The following ZYX variants were observed in gnomAD, a reference collection of about 807,000 sequenced individuals.
ZYX encodes the protein zyxin-2.
Under a neutral mutation model 58.1 loss-of-function variants are expected in ZYX, and 37 were observed. That is an observed-to-expected ratio of 0.64 (90% CI 0.49 to 0.84). The LOEUF is 0.84. ZYX is among the 40% of genes least tolerant of loss of function. The pLI is 0.00. For missense variants in ZYX, 762 were observed against 761.6 expected (o/e 1.00, Z -0.01); for synonymous variants, 324 against 321.1 (o/e 1.01, Z -0.10).
Position 143,382,309 on chromosome 7 carries a change from AG to A in ZYX, c.272del (p.Gly91ValfsTer51), listed in dbSNP as rs1216806674. 3.1e-6 allele frequency: 5 copies of A among 1,610,850 alleles called. No homozygotes were observed. ...DGDDAEGALG[G>X]AFPPPPPPIE... ...GCGACGATGCAGAGGGTGCTCTGGGAGGTGCCTTCCCGCCGCCCCCTCCCCC... is the reference window on the plus strand; with the variant it reads ...GCGACGATGCAGAGGGTGCTCTGGGAGTGCCTTCCCGCCGCCCCCTCCCCC... On this transcript the variant is annotated frameshift_variant, in exon 3 of 10. Transcript: ENST00000322764. LOFTEE classifies it high-confidence loss of function.
intron 5 of ZYX, 122 bp downstream of exon 5, chr7:143,383,444 C>T (rs554813929): frequency 7.9e-6 from 7 of 890,584 alleles, no homozygotes; most frequent in East Asian, 3.7e-5. Context: ...TGCGGGGTGG[C>T]GGGATAGGAA....
Position 143,388,807 on chromosome 7 carries a change from C to A in ZYX, c.1355C>A (p.Thr452Asn), listed in dbSNP as rs1804963877. The part of the protein sequence containing the change: ...EKCNTCGEPI[T>N]DRMLRATGKA... ...TGTAACACCTGCGGGGAGCCCATCA[C>A]TGACCGCATGCTGAGGGCCACGGGC... Residue 452 changes from threonine (T) to asparagine (N), a missense_variant, in exon 8 of 10, where the codon ACT becomes AAT. Physicochemically the swap from Thr to Asn is moderately conservative, Grantham distance 65. Transcript: ENST00000322764. This position sits in a 1 kb window ranked among gnomAD's most constrained non-coding sequence, Gnocchi z 7.5. The A allele has an allele frequency of 6.2e-7, 1 of 1,613,984 alleles. No homozygotes were observed. The highest frequency in any genetic ancestry group is 2.2e-5 in the East Asian group (1 of 44,886).
chr7:143,386,176 C>T lies in ZYX; in HGVS notation c.1024-2043C>T, dbSNP rs574397299. Among the ~76,000 whole-genome samples the T allele has an allele frequency of 8.6e-5, 13 of 151,862 alleles. No individual in the cohort carries two copies. In the South Asian group the frequency reaches 2.5e-3, roughly 29 times the overall value. The stretch of plus-strand genomic sequence containing the variant: ...AAGTTAGGGGAGAAGGGCTCAGGTA[C>T]GTGTGTAACCCGGGGAAGCAGGTGA... On this transcript the variant is annotated intron_variant, in intron 5 of 9. Transcript: ENST00000322764.
Position 143,390,819 on chromosome 7 carries a change from GC to G in ZYX, c.*140del. On this transcript the variant is annotated 3_prime_UTR_variant, in exon 10 of 10. Transcript: ENST00000322764. The surrounding 1 kb of genome is among the most constrained non-coding windows in gnomAD (Gnocchi z 4.3). ...CCAACCCCTCCCTAGCATCCCAGGT[GC>G]CCTGACCCAGGACCCAACATGGTCT... 3 of 699,602 alleles carry G rather than the reference GC, an allele frequency of 4.3e-6. 1 individual carries two copies. 43.3% of individuals were successfully genotyped at this position (699,602 alleles called of 1,614,324 possible).
At position 143,381,591 on chromosome 7, in the gene ZYX, C is replaced by T. The variant is rs377574869; in HGVS notation, c.20C>T (p.Ser7Phe). ...CCGGCCATGGCGGCCCCCCGCCCGT[C>T]TCCCGCGATCTCCGTTTCGGTCTCG... MAAPRP[S>F]PAISVSVSAP... Residue 7 changes from serine (S) to phenylalanine (F), a missense_variant, in exon 2 of 10, where the codon TCT (serine) becomes TTT (phenylalanine). Transcript: ENST00000322764. 5 of 1,610,904 alleles carry T rather than the reference C, an allele frequency of 3.1e-6. No individual in the cohort carries two copies. The highest frequency in any genetic ancestry group is 4.2e-6 in the Non-Finnish European group (5 of 1,179,030).
In ZYX at chr7:143,388,767, G is replaced by T. The variant is rs1804960272; in HGVS notation, c.1315G>T (p.Asp439Tyr). The change falls in exon 8 of 10, where the codon GAC (aspartate) becomes TAC (tyrosine). Residue 439 changes from aspartate (D) to tyrosine (Y), a missense_variant and splice_region_variant. By Grantham distance (160) the Asp-to-Tyr change is radical. Coordinates refer to ENST00000322764, the MANE Select transcript of ZYX (RefSeq NM_003461.5). This position sits in a 1 kb window ranked among gnomAD's most constrained non-coding sequence, Gnocchi z 7.5. ...GAPYCEGCYTDTLEKCNTCGE... is the reference protein window; with the variant it reads ...GAPYCEGCYTYTLEKCNTCGE... ...CAACCTCCTCCTGCTGCCTCCTCAGGACACCCTGGAGAAGTGTAACACCTG... is the reference window on the plus strand; with the variant it reads ...CAACCTCCTCCTGCTGCCTCCTCAGTACACCCTGGAGAAGTGTAACACCTG... 1 of 1,612,974 alleles carries T rather than the reference G, an allele frequency of 6.2e-7. No homozygotes were observed. Among genetic ancestry groups the T allele is most frequent in the South Asian group, 1.1e-5 (1 of 90,998 alleles).
chr7:143,383,097 T>A lies in ZYX; in HGVS notation c.798T>A (p.Phe266Leu). The A allele has an allele frequency of 6.2e-7, 1 of 1,614,190 alleles. No homozygotes were observed. Among genetic ancestry groups the A allele is most frequent in the Non-Finnish European group, 8.5e-7 (1 of 1,180,036 alleles). Residue 266 changes from phenylalanine to leucine, a missense_variant, in exon 5 of 10, where the codon TTT becomes TTA. Phe to Leu is a conservative substitution (Grantham distance 22, BLOSUM62 0). Transcript: ENST00000322764. ...CATCTCCGGCTCCAGCCCCTAAGTT[T>A]TCTCCAGTGACTCCTAAGTTTACTC... is the stretch of plus-strand genomic sequence containing the variant. ...PASSPAPAPK[F>L]SPVTPKFTPV...
Position 143,387,801 on chromosome 7 carries a change from C to T in ZYX, c.1024-418C>T, listed in dbSNP as rs552859187. On this transcript the variant is annotated intron_variant, in intron 5 of 9. Transcript: ENST00000322764. The surrounding 1 kb of genome is among the most constrained non-coding windows in gnomAD (Gnocchi z 5.8). ...CAGGCAGGCCGGGTAGGTGTGTGTG[C>T]GCGTGTGTGCACGCCATTGCGTGCC... is the stretch of plus-strand genomic sequence containing the variant. 1.3e-4 allele frequency: 60 copies of T among 474,366 alleles called. 1 individual carries two copies. The highest frequency in any genetic ancestry group is 7.9e-4 in the South Asian group (51 of 64,604). The allele number at this position is 474,366 out of a possible 1,614,324, so 29.4% of individuals were successfully genotyped here. A position where few individuals can be genotyped will look rare whatever the true frequency, so the allele number is the denominator to read the frequency against.
chr7:143,388,097 C>G lies in ZYX; in HGVS notation c.1024-122C>G, dbSNP rs1804932523. On this transcript the variant is annotated intron_variant, in intron 5 of 9. Transcript: ENST00000322764. The surrounding 1 kb of genome is among the most constrained non-coding windows in gnomAD (Gnocchi z 7.5). ...CGAGGGAGAAGCTTTAAGGGTCAAG[C>G]CTGAGCATCTGGGACACGAGCTGGG... The G allele has an allele frequency of 8.0e-7, 1 of 1,247,292 alleles. No individual in the cohort carries two copies. Among genetic ancestry groups the G allele is most frequent in the African/African-American group, 1.5e-5 (1 of 65,826 alleles). 77.3% of individuals were successfully genotyped at this position (1,247,292 alleles called of 1,614,324 possible). A position where few individuals can be genotyped will look rare whatever the true frequency, so the allele number is the denominator to read the frequency against.
chr7:143,383,378 T>G (rs1586563946), intron 5 of ZYX, 56 bp downstream of exon 5: 2 of 1,528,144 alleles, frequency 1.3e-6, no homozygotes, highest in Non-Finnish European at 1.7e-6. Flanking sequence ...CGGGGCTGGG[T>G]CAGGAGCCAG....
chr7:143,388,424 T>C lies in ZYX; in HGVS notation c.1145-65T>C. The C allele has an allele frequency of 1.2e-6, 2 of 1,605,706 alleles. No homozygotes were observed. The highest frequency in any genetic ancestry group is 2.2e-5 in the South Asian group (2 of 90,618). On this transcript the variant is annotated intron_variant, in intron 6 of 9. Coordinates refer to ENST00000322764, the MANE Select transcript of ZYX (RefSeq NM_003461.5). This position sits in a 1 kb window ranked among gnomAD's most constrained non-coding sequence, Gnocchi z 7.5. ...CTGTGGCTCCACTCCCTATCTGAGC[T>C]GGCTGATCCCTCGCAGCTCTACATA...
intron 2 of ZYX, 28 bp from the exon 3 acceptor site, chr7:143,382,220 G>A (rs1177205814): frequency 6.2e-7 from 1 of 1,601,862 alleles, no homozygotes. Context: ...AGGGACCCCG[G>A]CCGACGTCTT....
rs963510754 is a variant in ZYX, at chr7:143,384,054, A to C, written c.1023+732A>C. 9.9e-6 allele frequency: 4 copies of C among 405,684 alleles called. No homozygotes were observed. Among genetic ancestry groups the C allele is most frequent in the Non-Finnish European group, 1.5e-5 (3 of 197,934 alleles). 25.1% of individuals were successfully genotyped at this position (405,684 alleles called of 1,614,324 possible). ...TCTAGTACAGGAATGCTCAAAATAGAAAAGCTGTAATTACAAAATGGTTCT... is the reference window on the plus strand; with the variant it reads ...TCTAGTACAGGAATGCTCAAAATAGCAAAGCTGTAATTACAAAATGGTTCT... On this transcript the variant is annotated intron_variant, in intron 5 of 9. Transcript: ENST00000322764. This position sits in a 1 kb window ranked among gnomAD's most constrained non-coding sequence, Gnocchi z 4.9.
At position 143,390,291 on chromosome 7, in the gene ZYX, C is replaced by T. The variant is rs143732105; in HGVS notation, c.1615-287C>T. The T allele has an allele frequency of 1.7e-3, 910 of 546,428 alleles. 6 individuals are homozygous for T. The highest frequency in any genetic ancestry group is 0.015 in the African/African-American group (820 of 52,914). 33.8% of individuals were successfully genotyped at this position (546,428 alleles called of 1,614,324 possible). A position where few individuals can be genotyped will look rare whatever the true frequency, so the allele number is the denominator to read the frequency against. ...AACAGGAGCTGAGAGAAGAGGTCTT[C>T]GAATGGAGGTGAGCCAACCTCTATT... On this transcript the variant is annotated intron_variant, in intron 9 of 9. Transcript: ENST00000322764. This position sits in a 1 kb window ranked among gnomAD's most constrained non-coding sequence, Gnocchi z 4.3.
At chr7:143,385,144 A>T (rs1369262608) in intron 5 of ZYX, among the ~76,000 whole-genome samples, 1 of 151,932 alleles carries the variant, frequency 6.6e-6, no homozygotes, top group Non-Finnish European at 1.5e-5. Flanking sequence ...GGGAGTGAGG[A>T]CTCAAGGCTA....
Position 143,383,162 on chromosome 7 carries a change from C to G in ZYX, c.863C>G (p.Ser288Cys). The G allele has an allele frequency of 1.2e-6, 2 of 1,614,240 alleles. No individual in the cohort carries two copies. Among genetic ancestry groups the G allele is most frequent in the African/African-American group, 2.7e-5 (2 of 75,060 alleles). Residue 288 changes from serine to cysteine, a missense_variant, in exon 5 of 10, where the codon TCT becomes TGT. By Grantham distance (112) the Ser-to-Cys change is moderately radical. Coordinates refer to ENST00000322764, the MANE Select transcript of ZYX (RefSeq NM_003461.5). Reference sequence around the variant, plus strand: ...TTCAGTCCTGGAGCCCCAGGTGGATCTGGGTCACAACCAAATCAAAAATTG... The same window carrying G: ...TTCAGTCCTGGAGCCCCAGGTGGATGTGGGTCACAACCAAATCAAAAATTG... ...SKFSPGAPGG[S>C]GSQPNQKLGH...
rs555046604 is a variant in ZYX at position 143,388,354 on chromosome 7, C to G, written c.1144+15C>G. The G allele has an allele frequency of 3.7e-6, 6 of 1,613,550 alleles. No homozygotes were observed. Among genetic ancestry groups the G allele is most frequent in the African/African-American group, 1.3e-5 (1 of 74,984 alleles). On this transcript the variant is annotated intron_variant, in intron 6 of 9. Transcript: ENST00000322764. This position sits in a 1 kb window ranked among gnomAD's most constrained non-coding sequence, Gnocchi z 7.5. Reference sequence around the variant, plus strand: ...GGCTGTCAACGGTGAGCCCACCCCACCGGGACACCCCCACCCTGCCCCCAC... The same window carrying G: ...GGCTGTCAACGGTGAGCCCACCCCAGCGGGACACCCCCACCCTGCCCCCAC...
chr7:143,382,491 G>A (rs1448127088), intron 3 of ZYX, 44 bp downstream of exon 3: 2 of 1,586,310 alleles, frequency 1.3e-6, no homozygotes, highest in South Asian at 2.2e-5. Flanking sequence ...CACCCCCAAG[G>A]AGAGGAGAAG....
At chr7:143,385,135 G>T (rs550509367) in intron 5 of ZYX, among the ~76,000 whole-genome samples, 116 of 152,264 alleles carry the variant, frequency 7.6e-4, no homozygotes, top group African/African-American at 2.7e-3. Flanking sequence ...GGTATTTGAG[G>T]GAGTGAGGAC....
Sources: allele counts gnomAD v4.1 joint callset (sites outside exome capture counted in the v4.1 genomes callset), GRCh38; gene constraint gnomAD v4.1.1; non-coding constraint Gnocchi (gnomAD v3.1); transcripts MANE v1.5; gene names NCBI Gene and HGNC (gene_info 2026-07-23, HGNC 2026-07-21).